The following SDK1 variants were observed in gnomAD, a reference collection of about 807,000 sequenced individuals.
SDK1 encodes sidekick cell adhesion molecule 1.
SDK1 carries 157 observed loss-of-function variants against 245.5 expected under a neutral mutation model. The ratio of observed to expected loss-of-function variants is 0.64; its 90% CI spans 0.56 to 0.73. The LOEUF is 0.73. Ranked by LOEUF, SDK1 falls within the 30% of genes least tolerant of loss-of-function variation. The probability of loss-of-function intolerance (pLI) is 0.00; values close to 1 mark genes in which losing one functional copy is unlikely to be tolerated. For synonymous variants in SDK1, 1,647 were observed against 1,278.5 expected, an observed-to-expected ratio of 1.29 and a Z score of -6.15; for missense variants, 3,583 against 3,002.3, an observed-to-expected ratio of 1.19 and a Z score of -4.52.
At chr7:3,336,367 C>T (rs1183589905) in intron 1 of SDK1, among the ~76,000 whole-genome samples, 2 of 152,166 alleles carry the variant, frequency 1.3e-5, no homozygotes, top group African/African-American at 4.8e-5. Flanking sequence ...CTTCCACCCT[C>T]TGCCTGGTAG....
chr7:3,546,580 G>A (rs1184965971), intron 1 of SDK1, among the ~76,000 whole-genome samples: 2 of 152,216 alleles, frequency 1.3e-5, no homozygotes, highest in Middle Eastern at 3.2e-3. Context: ...GAGAAATGTG[G>A]CACATGCCAA....
rs369085539 is a variant in SDK1, at chr7:4,265,880, A to G, written c.*496A>G. On this transcript the variant is annotated 3_prime_UTR_variant, in exon 45 of 45. Transcript: ENST00000404826. ...GGCGGCTCCTGGGGTTTGAAGAGCA[A>G]ACGTTTTTCCCTGGGCTCAGTGCGT... 1.0e-6 allele frequency: 1 copy of G among 987,510 alleles called. No homozygotes were observed. The highest frequency in any genetic ancestry group is 1.2e-6 in the Non-Finnish European group (1 of 831,528). The allele number at this position is 987,510 out of a possible 1,614,324, so 61.2% of individuals were successfully genotyped here.
At chr7:4,098,824 C>CCT (rs1782338896) in intron 22 of SDK1, among the ~76,000 whole-genome samples, 9 of 82,852 alleles carry the variant, frequency 1.1e-4, no homozygotes, top group Admixed American at 2.8e-4. Flanking sequence ...CCACAATGCC[C>CCT]TTTTTTTTTT....
chr7:4,034,915 T>C (rs1334484490), intron 17 of SDK1, among the ~76,000 whole-genome samples: 2 of 152,262 alleles, frequency 1.3e-5, no homozygotes, highest in Non-Finnish European at 2.9e-5. Context: ...CAGCATTCTC[T>C]GAATATATTT....
chr7:3,319,997 T>C (rs1411016405), intron 1 of SDK1, among the ~76,000 whole-genome samples: 3 of 150,760 alleles, frequency 2.0e-5, no homozygotes, highest in Non-Finnish European at 4.4e-5. Context: ...CCTTGCCAAA[T>C]AGAATTGCCT....
intron 4 of SDK1, among the ~76,000 whole-genome samples, chr7:3,644,773 C>CAAAAAAAAAAAAAAAAAAAAAAAA (rs34276127): frequency 2.5e-5 from 1 of 40,036 alleles, no homozygotes; most frequent in Non-Finnish European, 4.5e-5. Flanking sequence ...ACCCTGTCTC[C>CAAAAAAAAAAAAAAAAAAAAAAAA]AAAAAAAAAA....
At chr7:4,159,235 A>G (rs954268505) in intron 31 of SDK1, among the ~76,000 whole-genome samples, 1 of 152,146 alleles carries the variant, frequency 6.6e-6, no homozygotes, top group Non-Finnish European at 1.5e-5. Context: ...CAGTGGAAGA[A>G]TTTTCCAATA....
At chr7:3,512,590 A>G (rs1782618000) in intron 1 of SDK1, among the ~76,000 whole-genome samples, 1 of 152,192 alleles carries the variant, frequency 6.6e-6, no homozygotes, top group Non-Finnish European at 1.5e-5. Flanking sequence ...ATGACTGAGA[A>G]TTCCCATTGC....
At chr7:3,917,407 A>G (rs1415588292) in intron 5 of SDK1, among the ~76,000 whole-genome samples, 1 of 152,126 alleles carries the variant, frequency 6.6e-6, no homozygotes, top group African/African-American at 2.4e-5. Context: ...GCCTCATTGC[A>G]TCCAGGGTAC....
intron 15 of SDK1, among the ~76,000 whole-genome samples, chr7:4,011,805 C>T (rs1056006702): frequency 4.6e-5 from 7 of 152,170 alleles, no homozygotes; most frequent in African/African-American, 1.4e-4. Context: ...CGAGCGGACG[C>T]ATTCAGGCTT....
At chr7:3,847,863 C>A (rs138913996) in intron 5 of SDK1, among the ~76,000 whole-genome samples, 153 of 152,334 alleles carry the variant, frequency 1.0e-3, no homozygotes, top group African/African-American at 3.6e-3. Context: ...AAAACATTTT[C>A]TTTGACAGTT....
At chr7:3,543,752 T>C (rs1045017989) in intron 1 of SDK1, among the ~76,000 whole-genome samples, 3 of 152,244 alleles carry the variant, frequency 2.0e-5, no homozygotes, top group African/African-American at 4.8e-5. Context: ...TTTTAAATTC[T>C]ATTGATGTTC....
chr7:3,464,698 G>GTATATATATATATATATATATA (rs141577885), intron 1 of SDK1, among the ~76,000 whole-genome samples: 2 of 148,050 alleles, frequency 1.4e-5, no homozygotes, highest in Admixed American at 6.7e-5. Context: ...GTGTATGTAT[G>GTATATATATATATATATATATA]TATATATATA....
At chr7:4,001,241 C>T (rs1318421161) in intron 14 of SDK1, among the ~76,000 whole-genome samples, 1 of 152,228 alleles carries the variant, frequency 6.6e-6, no homozygotes, top group African/African-American at 2.4e-5. Flanking sequence ...CCAGCTATCT[C>T]CAGCCTGTTG....
intron 1 of SDK1, among the ~76,000 whole-genome samples, chr7:3,344,764 T>A (rs1780449728): frequency 6.6e-6 from 1 of 152,214 alleles, no homozygotes; most frequent in African/African-American, 2.4e-5. Context: ...TCATATATAC[T>A]GCAGGAGTGT....
At chr7:3,485,668 GATGA>G (rs1437167193) in intron 1 of SDK1, among the ~76,000 whole-genome samples, 1 of 71,948 alleles carries the variant, frequency 1.4e-5, no homozygotes. Flanking sequence ...GTGCTGAGGG[GATGA>G]TCTTTGGAGG....
chr7:3,486,931 C>T (rs1227380283), intron 1 of SDK1, among the ~76,000 whole-genome samples: 2 of 152,110 alleles, frequency 1.3e-5, no homozygotes, highest in African/African-American at 4.8e-5. Context: ...ACTATTATTA[C>T]ATGTGTAAAG....
chr7:3,479,852 A>G (rs1415257213), intron 1 of SDK1, among the ~76,000 whole-genome samples: 1 of 149,020 alleles, frequency 6.7e-6, no homozygotes, highest in Admixed American at 6.7e-5. Context: ...TCAGAGCGAG[A>G]GTCCATCTCA....
intron 1 of SDK1, among the ~76,000 whole-genome samples, chr7:3,540,695 TGTGACACTG>T (rs1400029911): frequency 6.6e-6 from 1 of 151,974 alleles, no homozygotes; most frequent in Non-Finnish European, 1.5e-5. Flanking sequence ...TGGTGCAGTC[TGTGACACTG>T]GTATCACTTG....
Sources: gnomAD v4.1 joint callset for allele counts (sites outside exome capture counted in the v4.1 genomes callset) on GRCh38, gnomAD v4.1.1 for gene constraint, MANE v1.5 for transcripts, NCBI Gene and HGNC (gene_info 2026-07-23, HGNC 2026-07-21) for gene names.